ATP10D: variants seen among roughly 807,000 people sequenced by gnomAD.
ATP10D encodes phospholipid-transporting ATPase VD.
ATP10D carries 89 observed loss-of-function variants against 144.8 expected under a neutral mutation model. The observed-to-expected ratio is 0.61, with a 90% CI of 0.52 to 0.73. ATP10D has a LOEUF of 0.73. Ranked by LOEUF, ATP10D falls within the 30% of genes least tolerant of loss-of-function variation. The pLI is 0.00. For synonymous variants in ATP10D, 571 were observed against 615.1 expected (o/e 0.93, Z 1.06); for missense variants, 1,603 against 1,714.8 (o/e 0.93, Z 1.15).
At chr4:47,557,572 CTT>C in intron 11 of ATP10D, 90 bp from the exon 12 acceptor site, 1 of 1,330,222 alleles carries the variant, frequency 7.5e-7, no homozygotes, top group Non-Finnish European at 1.0e-6. Flanking sequence ...AGTGGTAACT[CTT>C]TTTATATCTA....
chr4:47,584,390 TTTG>T lies in ATP10D; in HGVS notation c.3753+2341_3753+2343del, dbSNP rs781258825. On this transcript the variant is annotated intron_variant, in intron 21 of 22. Coordinates refer to ENST00000273859, the MANE Select transcript of ATP10D (RefSeq NM_020453.4). ...TTTTTGTTGTTGTTTTTTGTTTGTT[TTTG>T]TTGTTGTTGTTGTTTTTGAGACAGA... 6.1e-4 allele frequency among the ~76,000 whole-genome samples: 93 copies of T among 152,130 alleles called. No individual in the cohort carries two copies. The East Asian group carries it at 0.012, about 20-fold the overall frequency.
At chr4:47,495,512 C>T (rs1715306363) in intron 1 of ATP10D, among the ~76,000 whole-genome samples, 1 of 151,902 alleles carries the variant, frequency 6.6e-6, no homozygotes, top group Non-Finnish European at 1.5e-5. Flanking sequence ...GTAAAAAAAA[C>T]ATGGAGAGTA....
chr4:47,546,018 GA>G (rs920529146), intron 9 of ATP10D, among the ~76,000 whole-genome samples: 1 of 152,218 alleles, frequency 6.6e-6, no homozygotes, highest in Non-Finnish European at 1.5e-5. Flanking sequence ...AACAGTCATT[GA>G]AGTAGGAGGA....
At chr4:47,511,558 T>G (rs1716328486) in intron 1 of ATP10D, among the ~76,000 whole-genome samples, 1 of 152,164 alleles carries the variant, frequency 6.6e-6, no homozygotes, top group Non-Finnish European at 1.5e-5. Context: ...AAACTCCAGG[T>G]AGGGCTGCAT....
chr4:47,515,088 G>C (rs1716558371), intron 2 of ATP10D, among the ~76,000 whole-genome samples: 1 of 152,060 alleles, frequency 6.6e-6, no homozygotes, highest in Non-Finnish European at 1.5e-5. Flanking sequence ...AGCCTCCTGA[G>C]TAGCTGGGAC....
chr4:47,585,890 C>T (rs1720764883), intron 21 of ATP10D, among the ~76,000 whole-genome samples: 1 of 152,052 alleles, frequency 6.6e-6, no homozygotes, highest in South Asian at 2.1e-4. Flanking sequence ...TTTATCCATT[C>T]ATCTGTTGAT....
intron 15 of ATP10D, among the ~76,000 whole-genome samples, chr4:47,565,762 C>T (rs2109457110): frequency 6.6e-6 from 1 of 151,960 alleles, no homozygotes; most frequent in African/African-American, 2.4e-5. Context: ...AAAAATTACA[C>T]TTATACCCTT....
chr4:47,591,378 C>G lies in ATP10D; in HGVS notation c.4278C>G (p.Ser1426Arg). 6.3e-7 allele frequency: 1 copy of G among 1,585,368 alleles called. No individual in the cohort carries two copies. Among genetic ancestry groups the G allele is most frequent in the Non-Finnish European group, 8.6e-7 (1 of 1,165,218 alleles). ...CTGGACCCTCCAAAGGTAAAGAAAG[C>G]TAGATACCCTCCTTGGAGTTGCAAG... is the stretch of plus-strand genomic sequence containing the variant. ...EMAGPSKGKE[S>R] is the part of the protein sequence containing the mutation. The change falls in exon 23 of 23, where the codon AGC becomes AGG. Residue 1426 changes from serine to arginine, a missense_variant. Physicochemically the swap from Ser to Arg is moderately radical, Grantham distance 110. Coordinates refer to ENST00000273859, the MANE Select transcript of ATP10D (RefSeq NM_020453.4).
chr4:47,570,084 A>G (rs1279376972), intron 16 of ATP10D, among the ~76,000 whole-genome samples: 1 of 152,208 alleles, frequency 6.6e-6, no homozygotes, highest in East Asian at 1.9e-4. Context: ...TAAAATGATC[A>G]TGTTGGCTGT....
In ATP10D at chr4:47,544,403, C is replaced by T. The variant is rs369114790; in HGVS notation, c.1397-2221C>T. On this transcript the variant is annotated intron_variant, in intron 9 of 22. Transcript: ENST00000273859. The stretch of plus-strand genomic sequence containing the variant: ...TCAGTATTTATGTAAATAGAAAGGA[C>T]GCAAATGAATATTTCAAGCAAAGGC... 1.2e-4 allele frequency among the ~76,000 whole-genome samples: 19 copies of T among 152,082 alleles called. No homozygotes were observed. In the South Asian group the frequency reaches 2.3e-3, roughly 18 times the overall value.
intron 10 of ATP10D, among the ~76,000 whole-genome samples, chr4:47,554,318 A>G (rs1457570997): frequency 6.6e-6 from 1 of 152,222 alleles, no homozygotes; most frequent in Non-Finnish European, 1.5e-5. Context: ...ATAACATGGT[A>G]TGAATAATGC....
chr4:47,496,170 T>C (rs1315585913), intron 1 of ATP10D, among the ~76,000 whole-genome samples: 5 of 136,008 alleles, frequency 3.7e-5, no homozygotes, highest in African/African-American at 1.0e-4. Context: ...TTTTTTTTTT[T>C]TTTTGAGACG....
intron 16 of ATP10D, 87 bp from the exon 17 acceptor site, chr4:47,572,067 C>G: frequency 8.5e-7 from 1 of 1,177,956 alleles, no homozygotes; most frequent in Non-Finnish European, 1.3e-6. Flanking sequence ...TTTATTTGTT[C>G]ACTTGAGCTG....
At chr4:47,493,459 G>A (rs574071504) in intron 1 of ATP10D, among the ~76,000 whole-genome samples, 24 of 152,180 alleles carry the variant, frequency 1.6e-4, no homozygotes, top group Non-Finnish European at 3.4e-4. Context: ...TTATAAAGTA[G>A]GCTTTGTGTT....
At position 47,485,463 on chromosome 4, in the gene ATP10D, T is replaced by C. The variant is rs1714695820; in HGVS notation, c.-94T>C. 1 of 151,854 alleles carries C rather than the reference T, an allele frequency of 6.6e-6. No homozygotes were observed. Among genetic ancestry groups the C allele is most frequent in the Non-Finnish European group, 1.5e-5 (1 of 67,936 alleles). The allele number at this position is 151,854 out of a possible 1,614,324, so 9.4% of individuals were successfully genotyped here. A position where few individuals can be genotyped will look rare whatever the true frequency, so the allele number is the denominator to read the frequency against. On this transcript the variant is annotated 5_prime_UTR_variant, in exon 1 of 23. Coordinates refer to ENST00000273859, the MANE Select transcript of ATP10D (RefSeq NM_020453.4). ...TCTTCGAATTTGTGCTTAGCTCTTT[T>C]CTTGTACCTTGCGACTCGTGACCAA... is the stretch of plus-strand genomic sequence containing the variant.
chr4:47,499,648 C>G (rs1040843556), intron 1 of ATP10D, among the ~76,000 whole-genome samples: 2 of 152,122 alleles, frequency 1.3e-5, no homozygotes, highest in Admixed American at 1.3e-4. Flanking sequence ...GCTGAATTCT[C>G]AGAGAAGAAA....
intron 5 of ATP10D, among the ~76,000 whole-genome samples, chr4:47,534,563 A>G (rs1162053853): frequency 6.6e-6 from 1 of 152,148 alleles, no homozygotes; most frequent in Non-Finnish European, 1.5e-5. Flanking sequence ...CCATTGTAAG[A>G]TTAGTGTTAT....
At chr4:47,512,860 G>A (rs753754530) in intron 2 of ATP10D, 30 bp downstream of exon 2, 2 of 1,557,476 alleles carry the variant, frequency 1.3e-6, no homozygotes, top group Non-Finnish European at 1.8e-6. Flanking sequence ...GAAAACCTTA[G>A]AATATCATTC....
chr4:47,556,563 C>T (rs1444835096), intron 11 of ATP10D, among the ~76,000 whole-genome samples: 4 of 152,050 alleles, frequency 2.6e-5, no homozygotes, highest in African/African-American at 9.7e-5. Context: ...GAGTCTAAGC[C>T]TCATGGTATT....
Sources: gnomAD v4.1 joint callset for allele counts (sites outside exome capture counted in the v4.1 genomes callset) on GRCh38, gnomAD v4.1.1 for gene constraint, MANE v1.5 for transcripts, NCBI Gene and HGNC (gene_info 2026-07-23, HGNC 2026-07-21) for gene names.